The following IL1RAPL1 variants were observed in gnomAD, a reference collection of about 807,000 sequenced individuals.
IL1RAPL1 encodes the protein interleukin 1 receptor accessory protein like 1, also known as interleukin-1 receptor accessory protein-like 1.
IL1RAPL1 carries 3 observed loss-of-function variants against 48.4 expected under a neutral mutation model. The observed-to-expected ratio is 0.06, with a 90% CI of 0.03 to 0.16. The LOEUF (loss-of-function observed/expected upper bound fraction) is 0.16, where lower values mean the gene tolerates loss of function less well. Among genes scored for constraint, IL1RAPL1 ranks in the 10% least tolerant of loss-of-function variants. IL1RAPL1 has a pLI of 1.00. For synonymous variants in IL1RAPL1, 185 were observed against 187.7 expected (o/e 0.99, Z 0.12); for missense variants, 349 against 530.6 (o/e 0.66, Z 3.36).
intron 2 of IL1RAPL1, among the ~76,000 whole-genome samples, chrX:29,281,338 T>C (rs1240003976): frequency 9.0e-6 from 1 of 111,713 alleles, no homozygotes; most frequent in African/African-American, 3.3e-5. Context: ...ACAGTAAAAT[T>C]CACAACTTCT....
At chrX:28,843,429 A>G (rs1388798629) in intron 2 of IL1RAPL1, among the ~76,000 whole-genome samples, 2 of 111,719 alleles carry the variant, frequency 1.8e-5, no homozygotes, top group Non-Finnish European at 1.9e-5. Flanking sequence ...GTGAATCTAC[A>G]AAGAAAATGC....
At chrX:28,837,682 CTTTTT>C (rs58666924) in intron 2 of IL1RAPL1, among the ~76,000 whole-genome samples, 20 of 37,251 alleles carry the variant, frequency 5.4e-4, no homozygotes, top group African/African-American at 2.3e-3. Context: ...CATTCCACTT[CTTTTT>C]TTTTTTTTTT....
chrX:29,492,586 T>G (rs886616559), intron 5 of IL1RAPL1, among the ~76,000 whole-genome samples: 4 of 112,097 alleles, frequency 3.6e-5, no homozygotes, highest in Non-Finnish European at 7.5e-5. Context: ...GTGGCATCAC[T>G]CTGACTCTTC....
At chrX:28,779,628 GTGTGTGTATATATATATATATA>G (rs1170556679) in intron 1 of IL1RAPL1, among the ~76,000 whole-genome samples, 61 of 56,235 alleles carry the variant, frequency 1.1e-3, no homozygotes, top group African/African-American at 4.3e-3. Flanking sequence ...ATGTGTGTGT[GTGTGTGTATATATATATATATA>G]TATATATATA....
intron 1 of IL1RAPL1, among the ~76,000 whole-genome samples, chrX:28,598,154 G>A (rs979935696): frequency 4.5e-5 from 5 of 112,010 alleles, no homozygotes; most frequent in Admixed American, 1.9e-4. Context: ...TATTGCTTTC[G>A]AGTAGAATGT....
chrX:29,455,482 G>C (rs989480120), intron 5 of IL1RAPL1, among the ~76,000 whole-genome samples: 2 of 111,708 alleles, frequency 1.8e-5, no homozygotes, highest in Admixed American at 9.5e-5. Flanking sequence ...AGTGTTAATT[G>C]TTAATTATAT....
At chrX:29,906,334 C>CA (rs1401147110) in intron 6 of IL1RAPL1, among the ~76,000 whole-genome samples, 1 of 67,563 alleles carries the variant, frequency 1.5e-5, no homozygotes, top group Non-Finnish European at 2.5e-5. Flanking sequence ...GACTCTGTCT[C>CA]AAAAAAACAA....
intron 1 of IL1RAPL1, among the ~76,000 whole-genome samples, chrX:28,698,184 G>T (rs1374587777): frequency 9.0e-6 from 1 of 111,554 alleles, no homozygotes; most frequent in Admixed American, 9.6e-5. Context: ...TGGTGATCAA[G>T]CTCTATGTCA....
chrX:28,832,528 A>G (rs1601922791), intron 2 of IL1RAPL1, among the ~76,000 whole-genome samples: 1 of 111,308 alleles, frequency 9.0e-6, no homozygotes, highest in Non-Finnish European at 1.9e-5. Context: ...ATAAAAATAA[A>G]CCAGAAGTAG....
chrX:29,605,335 A>G (rs1923861013), intron 5 of IL1RAPL1, among the ~76,000 whole-genome samples: 2 of 111,287 alleles, frequency 1.8e-5, no homozygotes, highest in African/African-American at 6.5e-5. Flanking sequence ...TAAGTAGCTG[A>G]ATTGAGGTTT....
In IL1RAPL1 at chrX:29,590,527, G is replaced by A. The variant is rs191269937; in HGVS notation, c.704-77903G>A. On this transcript the variant is annotated intron_variant, in intron 5 of 10. Coordinates refer to ENST00000378993, the MANE Select transcript of IL1RAPL1 (RefSeq NM_014271.4). ...TGGCAGGATGCTGAACTAGCCTGACGCTATGCTGGTCATGGCCTCCATGTT... is the reference window on the plus strand; with the variant it reads ...TGGCAGGATGCTGAACTAGCCTGACACTATGCTGGTCATGGCCTCCATGTT... 3.0e-3 allele frequency among the ~76,000 whole-genome samples: 331 copies of A among 111,738 alleles called. 3 individuals carry two copies. Among genetic ancestry groups the A allele is most frequent in the African/African-American group, 0.01 (309 of 30,723 alleles).
chrX:28,777,375 T>C (rs1299373869), intron 1 of IL1RAPL1, among the ~76,000 whole-genome samples: 1 of 112,099 alleles, frequency 8.9e-6, no homozygotes, highest in African/African-American at 3.2e-5. Context: ...GAGTTCCTTT[T>C]GACATGTAAG....
At chrX:29,718,337 C>T (rs192933766) in intron 6 of IL1RAPL1, among the ~76,000 whole-genome samples, 36 of 109,667 alleles carry the variant, frequency 3.3e-4, no homozygotes, top group African/African-American at 1.2e-3. Flanking sequence ...CCATCATTCT[C>T]AGCAAACTAT....
At chrX:29,312,146 A>G (rs1448282191) in intron 3 of IL1RAPL1, among the ~76,000 whole-genome samples, 2 of 111,592 alleles carry the variant, frequency 1.8e-5, no homozygotes, top group Non-Finnish European at 3.8e-5. Context: ...GTCTGGTTAA[A>G]AAGAGGTCCC....
chrX:29,817,934 A>C (rs1172180864), intron 6 of IL1RAPL1, among the ~76,000 whole-genome samples: 1 of 111,784 alleles, frequency 8.9e-6, no homozygotes, highest in Non-Finnish European at 1.9e-5. Context: ...TTTCTTATGA[A>C]TATCTCATAT....
intron 1 of IL1RAPL1, among the ~76,000 whole-genome samples, chrX:28,725,445 AATT>A (rs1025053184): frequency 9.8e-5 from 11 of 111,774 alleles, no homozygotes; most frequent in South Asian, 7.4e-4. Flanking sequence ...TGTTTTTAAA[AATT>A]ATTATTACCG....
chrX:29,312,561 C>T (rs1307039122), intron 3 of IL1RAPL1, among the ~76,000 whole-genome samples: 1 of 112,119 alleles, frequency 8.9e-6, no homozygotes, highest in Non-Finnish European at 1.9e-5. Flanking sequence ...CTTATTTATA[C>T]CTTTAAACAA....
At chrX:29,333,523 A>G (rs1449116138) in intron 3 of IL1RAPL1, among the ~76,000 whole-genome samples, 5 of 65,460 alleles carry the variant, frequency 7.6e-5, no homozygotes, top group African/African-American at 1.9e-4. Context: ...GCGGCTGGCC[A>G]GGCGGGGGGC....
chrX:29,920,778 G>A (rs2147240356), intron 8 of IL1RAPL1, among the ~76,000 whole-genome samples: 1 of 75,800 alleles, frequency 1.3e-5, no homozygotes, highest in African/African-American at 5.5e-5. Context: ...CTGGGTGACA[G>A]AGTGAGACCC....
Sources: allele counts gnomAD v4.1 joint callset (sites outside exome capture counted in the v4.1 genomes callset), GRCh38; gene constraint gnomAD v4.1.1; transcripts MANE v1.5; gene names NCBI Gene and HGNC (gene_info 2026-07-23, HGNC 2026-07-21).